The following GMPS variants were observed in gnomAD, a reference collection of about 807,000 sequenced individuals.
The protein encoded by GMPS is guanosine monophosphate synthase.
In GMPS, 15 loss-of-function variants were observed where a neutral mutation model predicts 77.9. The ratio of observed to expected loss-of-function variants is 0.19; its 90% CI spans 0.13 to 0.30. The LOEUF (loss-of-function observed/expected upper bound fraction) is 0.30. Ranked by LOEUF, GMPS falls within the 10% of genes least tolerant of loss-of-function variation. GMPS has a pLI of 1.00. For synonymous variants in GMPS, 224 were observed against 275.9 expected, an observed-to-expected ratio of 0.81 and a Z score of 1.86; for missense variants, 590 against 838.8, an observed-to-expected ratio of 0.70 and a Z score of 3.66.
chr3:155,902,601 G>A (rs1754760413), intron 3 of GMPS, among the ~76,000 whole-genome samples: 1 of 152,234 alleles, frequency 6.6e-6, no homozygotes, highest in African/African-American at 2.4e-5. Flanking sequence ...TACAGACACA[G>A]TAGGGCCTGC....
At chr3:155,896,075 T>A (rs965134413) in intron 2 of GMPS, among the ~76,000 whole-genome samples, 1 of 151,928 alleles carries the variant, frequency 6.6e-6, no homozygotes, top group Non-Finnish European at 1.5e-5. Context: ...AGTGGTGTGA[T>A]CTCTGCTCAC....
intron 5 of GMPS, 76 bp downstream of exon 5, chr3:155,906,339 G>T: frequency 1.4e-6 from 1 of 732,902 alleles, no homozygotes; most frequent in South Asian, 1.9e-5. Context: ...TCTGTATGAG[G>T]TACTCTTTGA....
Position 155,941,322 on chromosome 3 carries a change from T to C in GMPS, c.*3630T>C, listed in dbSNP as rs1755884542. ...GGGAGGCTGAGGCAGGAGAATGGCC[T>C]GAACCCAGGAGGCGGAGCTTGCAGT... On this transcript the variant is annotated 3_prime_UTR_variant, in exon 16 of 16. Coordinates refer to ENST00000496455, the MANE Select transcript of GMPS (RefSeq NM_003875.3). The C allele has an allele frequency of 5.7e-6, 1 of 175,722 alleles. No homozygotes were observed. The highest frequency in any genetic ancestry group is 1.2e-5 in the Non-Finnish European group (1 of 82,830). 10.9% of individuals were successfully genotyped at this position (175,722 alleles called of 1,614,324 possible). A position where few individuals can be genotyped will look rare whatever the true frequency, so the allele number is the denominator to read the frequency against.
intron 3 of GMPS, among the ~76,000 whole-genome samples, chr3:155,900,357 G>T (rs1398222694): frequency 6.7e-5 from 10 of 150,066 alleles, no homozygotes; most frequent in African/African-American, 2.4e-4. Flanking sequence ...TTGAATATTG[G>T]ATATTGGCTG....
At chr3:155,871,548 G>T (rs557953681) in intron 1 of GMPS, among the ~76,000 whole-genome samples, 1 of 152,198 alleles carries the variant, frequency 6.6e-6, no homozygotes, top group Admixed American at 6.5e-5. Context: ...CCCGCGTGAG[G>T]GCTGGTGGCC....
At chr3:155,899,208 A>C (rs1370948630) in intron 3 of GMPS, among the ~76,000 whole-genome samples, 1 of 152,164 alleles carries the variant, frequency 6.6e-6, no homozygotes, top group African/African-American at 2.4e-5. Flanking sequence ...GTCTCTACTA[A>C]AAATACAAAA....
chr3:155,902,130 A>G (rs1321623498), intron 3 of GMPS, among the ~76,000 whole-genome samples: 10 of 152,196 alleles, frequency 6.6e-5, no homozygotes, highest in Non-Finnish European at 1.0e-4. Flanking sequence ...CCAGGAATCC[A>G]TACTGGCCAC....
chr3:155,890,975 T>C (rs1260255118), intron 1 of GMPS, among the ~76,000 whole-genome samples: 1 of 152,254 alleles, frequency 6.6e-6, no homozygotes, highest in East Asian at 1.9e-4. Context: ...GGCAACACAC[T>C]GCACTCTGGC....
chr3:155,904,943 T>C (rs1056786506), intron 4 of GMPS, among the ~76,000 whole-genome samples: 1 of 152,206 alleles, frequency 6.6e-6, no homozygotes, highest in Non-Finnish European at 1.5e-5. Flanking sequence ...TTGACATTAA[T>C]GTACTTTATC....
intron 2 of GMPS, among the ~76,000 whole-genome samples, 152 bp from the exon 3 acceptor site, chr3:155,897,775 C>T (rs148077675): frequency 6.6e-5 from 10 of 152,160 alleles, no homozygotes; most frequent in African/African-American, 2.4e-4. Context: ...GATGACAATT[C>T]GCTGTGATAT....
chr3:155,873,522 A>G (rs1035551226), intron 1 of GMPS, among the ~76,000 whole-genome samples: 2 of 152,020 alleles, frequency 1.3e-5, no homozygotes, highest in Non-Finnish European at 2.9e-5. Flanking sequence ...TTAGCGTCCC[A>G]AAGTGCTGGG....
chr3:155,881,164 GTTTTTTT>G (rs11334499), intron 1 of GMPS, among the ~76,000 whole-genome samples: 4 of 52,928 alleles, frequency 7.6e-5, no homozygotes, highest in African/African-American at 1.5e-4. Context: ...TTTGATATTA[GTTTTTTT>G]TTTTTTTTTT....
chr3:155,887,479 A>G (rs1754364550), intron 1 of GMPS, among the ~76,000 whole-genome samples: 1 of 152,212 alleles, frequency 6.6e-6, no homozygotes, highest in South Asian at 2.1e-4. Flanking sequence ...ACATTCTACA[A>G]AAAGCTGGTC....
intron 1 of GMPS, among the ~76,000 whole-genome samples, chr3:155,873,457 T>C (rs1753949739): frequency 6.6e-6 from 1 of 151,822 alleles, no homozygotes; most frequent in Admixed American, 6.6e-5. Flanking sequence ...GAGACAGTTC[T>C]CGCTGTGTTG....
Position 155,943,113 on chromosome 3 carries a change from C to T in GMPS, c.*5421C>T, listed in dbSNP as rs1310646775. On this transcript the variant is annotated 3_prime_UTR_variant, in exon 16 of 16. Coordinates refer to ENST00000496455, the MANE Select transcript of GMPS (RefSeq NM_003875.3). ...GGGCTTGGTGGCGCGCGCCTGTAAT[C>T]CCAGCTACTCGGAAGGCTGAGGTGT... 4 of 175,772 alleles carry T rather than the reference C, an allele frequency of 2.3e-5. No homozygotes were observed. The highest frequency in any genetic ancestry group is 4.9e-5 in the Non-Finnish European group (4 of 81,668). 10.9% of individuals were successfully genotyped at this position (175,772 alleles called of 1,614,324 possible). A position where few individuals can be genotyped will look rare whatever the true frequency, so the allele number is the denominator to read the frequency against.
chr3:155,896,231 G>A (rs986939251), intron 2 of GMPS, among the ~76,000 whole-genome samples: 1 of 151,950 alleles, frequency 6.6e-6, no homozygotes, highest in African/African-American at 2.4e-5. Flanking sequence ...GGATGGTCTC[G>A]ATCTCCTGAC....
chr3:155,941,664 G>A lies in GMPS; in HGVS notation c.*3972G>A, dbSNP rs1755895910. The A allele has an allele frequency of 4.5e-6, 1 of 222,610 alleles. No homozygotes were observed. The highest frequency in any genetic ancestry group is 9.0e-6 in the Non-Finnish European group (1 of 111,498). The allele number at this position is 222,610 out of a possible 1,614,324, so 13.8% of individuals were successfully genotyped here. On this transcript the variant is annotated 3_prime_UTR_variant, in exon 16 of 16. Coordinates refer to ENST00000496455, the MANE Select transcript of GMPS (RefSeq NM_003875.3). ...TCTTTCATTGACCCAAATCCAGAAT[G>A]TAATGGGGAACTGAATACAAGTTGG...
intron 3 of GMPS, among the ~76,000 whole-genome samples, chr3:155,898,594 T>C (rs1754656955): frequency 6.6e-6 from 1 of 152,238 alleles, no homozygotes; most frequent in Non-Finnish European, 1.5e-5. Context: ...TTTTAGTTGT[T>C]GTTTCTTTAG....
chr3:155,905,519 C>G (rs1203305418), intron 4 of GMPS, among the ~76,000 whole-genome samples: 1 of 152,136 alleles, frequency 6.6e-6, no homozygotes, highest in Admixed American at 6.5e-5. Flanking sequence ...GTAATTGTTT[C>G]TAGGACTTTC....
Sources: allele counts gnomAD v4.1 joint callset (sites outside exome capture counted in the v4.1 genomes callset), GRCh38; gene constraint gnomAD v4.1.1; transcripts MANE v1.5; gene names NCBI Gene and HGNC (gene_info 2026-07-23, HGNC 2026-07-21).